Variants in GAREM2 observed in about 807,000 individuals in gnomAD.
GAREM2 encodes GRB2-associated and regulator of MAPK protein 2.
A neutral mutation model predicts 55.6 loss-of-function variants in GAREM2; 30 were observed. The ratio of observed to expected loss-of-function variants is 0.54; its 90% confidence interval spans 0.40 to 0.73. The LOEUF is 0.73. Among genes scored for constraint, GAREM2 ranks in the 30% least tolerant of loss-of-function variants. The pLI is 0.00. For synonymous variants in GAREM2, 550 were observed against 569.1 expected, an observed-to-expected ratio of 0.97 and a Z score of 0.48; for missense variants, 1,075 against 1,257.7, an observed-to-expected ratio of 0.85 and a Z score of 2.20.
chr2:26,201,189 TC>T, the GAREM2 span: 1 of 1,613,978 alleles, frequency 6.2e-7, no homozygotes, highest in Admixed American at 1.7e-5. Context: ...AAGACTAAGG[TC>T]CTCAAACACA....
At chr2:26,192,189 C>T (rs943596411), downstream of GAREM2, 4 of 667,762 alleles carry the variant, frequency 6.0e-6, no homozygotes, top group Admixed American at 7.0e-5. Flanking sequence ...ATGTAACAAA[C>T]CTGCACATGT....
rs372552496 is a variant in GAREM2, at chr2:26,186,256, G to T, written c.1496G>T (p.Arg499Leu). The T allele has an allele frequency of 1.3e-6, 2 of 1,549,722 alleles. No individual in the cohort carries two copies. Among genetic ancestry groups the T allele is most frequent in the Non-Finnish European group, 8.7e-7 (1 of 1,146,214 alleles). Reference sequence around the variant, plus strand: ...CCCCGGGGTGGCAATGGCAGCGGCCGGCTCTCCAGCAGCCCCCCGGTTCCC... The same window carrying T: ...CCCCGGGGTGGCAATGGCAGCGGCCTGCTCTCCAGCAGCCCCCCGGTTCCC... ...VPPRGGNGSG[R>L]LSSSPPVPPR... The change falls in exon 5 of 6, where the codon CGG becomes CTG. Residue 499 changes from arginine to leucine, a missense_variant. Coordinates refer to ENST00000401533, the MANE Select transcript of GAREM2 (RefSeq NM_001168241.2).
At chr2:26,199,613 G>T in the GAREM2 span, among the ~76,000 whole-genome samples, 2 of 152,124 alleles carry the variant, frequency 1.3e-5, no homozygotes, top group Non-Finnish European at 2.9e-5. Flanking sequence ...AATCTGGGCT[G>T]GTCTTGTGAC....
In GAREM2 at chr2:26,187,989, G is replaced by A. The variant is rs1162101644; in HGVS notation, c.2357G>A (p.Arg786Gln). 8 of 1,469,180 alleles carry A rather than the reference G, an allele frequency of 5.4e-6. No homozygotes were observed. Among genetic ancestry groups the A allele is most frequent in the Admixed American group, 5.0e-5 (2 of 39,976 alleles). The allele number at this position is 1,469,180 out of a possible 1,614,324, so 91.0% of individuals were successfully genotyped here. ...GRLEGPPASP[R>Q]DGATGFGVRD... Reference sequence around the variant, plus strand: ...CTGGAAGGGCCTCCTGCCAGTCCCCGGGATGGAGCCACAGGCTTTGGAGTC... The same window carrying A: ...CTGGAAGGGCCTCCTGCCAGTCCCCAGGATGGAGCCACAGGCTTTGGAGTC... Residue 786 changes from arginine to glutamine, a missense_variant, in exon 6 of 6, where the codon CGG (arginine) becomes CAG (glutamine). This residue lies in a region of GAREM2 where 142 missense variants were observed against 172.3 expected (regional missense o/e 0.82). Coordinates refer to ENST00000401533, the MANE Select transcript of GAREM2 (RefSeq NM_001168241.2).
In GAREM2 at chr2:26,184,923, A is replaced by T. The variant is rs1431572654; in HGVS notation, c.1075A>T (p.Thr359Ser). 7.4e-7 allele frequency: 1 copy of T among 1,360,480 alleles called. No individual in the cohort carries two copies. The highest frequency in any genetic ancestry group is 9.4e-7 in the Non-Finnish European group (1 of 1,061,548). The allele number at this position is 1,360,480 out of a possible 1,614,324, so 84.3% of individuals were successfully genotyped here. The change falls in exon 4 of 6, where the codon ACG (threonine) becomes TCG (serine). Residue 359 changes from threonine (T) to serine (S), a missense_variant. Coordinates refer to ENST00000401533, the MANE Select transcript of GAREM2 (RefSeq NM_001168241.2). ...RERFDPDEYS[T>S]AVREAPAELA... Reference sequence around the variant, plus strand: ...GCGCTTCGACCCCGACGAGTACTCCACGGCCGTGCGCGAGGCGCCAGCGGA... The same window carrying T: ...GCGCTTCGACCCCGACGAGTACTCCTCGGCCGTGCGCGAGGCGCCAGCGGA...
chr2:26,176,856 T>C (rs1169740524), intron 2 of GAREM2, among the ~76,000 whole-genome samples: 3 of 152,212 alleles, frequency 2.0e-5, no homozygotes, highest in African/African-American at 7.2e-5. Flanking sequence ...GGACCTTTTC[T>C]GTACCGCGCA....
chr2:26,202,089 G>A, the GAREM2 span, among the ~76,000 whole-genome samples: 4 of 151,812 alleles, frequency 2.6e-5, no homozygotes, highest in African/African-American at 7.3e-5. Context: ...GTGAGCCACC[G>A]CGCCCAGCCT....
At chr2:26,189,786 A>G (rs766354237), downstream of GAREM2, 3 of 152,166 alleles carry the variant, frequency 2.0e-5, no homozygotes, top group Non-Finnish European at 2.9e-5. Flanking sequence ...GGCCATTCCC[A>G]TGTCTGTGGA....
Position 26,173,392 on chromosome 2 carries a change from C to G in GAREM2, c.112+60C>G, listed in dbSNP as rs974841904. On this transcript the variant is annotated intron_variant, in intron 1 of 5. Transcript: ENST00000401533. ...GCGGGGAAATGGTGGGCTCTCCAGC[C>G]AGGGGCCAGAGGGATCGTGAGGAGG... 13 of 1,004,610 alleles carry G rather than the reference C, an allele frequency of 1.3e-5. No individual in the cohort carries two copies. In the Admixed American group the frequency reaches 3.9e-4, roughly 30 times the overall value. 62.2% of individuals were successfully genotyped at this position (1,004,610 alleles called of 1,614,324 possible).
chr2:26,200,055 G>A, the GAREM2 span, among the ~76,000 whole-genome samples: 11 of 152,330 alleles, frequency 7.2e-5, no homozygotes, highest in East Asian at 7.7e-4. Context: ...CAACCGAAAC[G>A]GGGTGGTCTA....
At position 26,187,949 on chromosome 2, in the gene GAREM2, C is replaced by G; in HGVS notation, c.2317C>G (p.Leu773Val). 1 of 1,452,110 alleles carries G rather than the reference C, an allele frequency of 6.9e-7. No homozygotes were observed. Among genetic ancestry groups the G allele is most frequent in the East Asian group, 2.6e-5 (1 of 38,928 alleles). The allele number at this position is 1,452,110 out of a possible 1,614,324, so 90.0% of individuals were successfully genotyped here. A position where few individuals can be genotyped will look rare whatever the true frequency, so the allele number is the denominator to read the frequency against. Reference protein sequence around the residue: ...QGPEAGGALFLTQGRLEGPPA... With the variant: ...QGPEAGGALFVTQGRLEGPPA... ...ACCCGAGGCGGGAGGAGCACTTTTT[C>G]TAACCCAAGGGCGCCTGGAAGGGCC... The change falls in exon 6 of 6, where the codon CTA becomes GTA. Residue 773 changes from leucine to valine, a missense_variant. Leu to Val is a conservative substitution (Grantham distance 32, BLOSUM62 1). Coordinates refer to ENST00000401533, the MANE Select transcript of GAREM2 (RefSeq NM_001168241.2).
chr2:26,190,198 G>C (rs1214976535), downstream of GAREM2, among the ~76,000 whole-genome samples: 4 of 152,230 alleles, frequency 2.6e-5, no homozygotes, highest in African/African-American at 9.6e-5. Context: ...GGACATATTT[G>C]AAGTACAACT....
At chr2:26,195,130 C>T in the GAREM2 span, 2 of 1,612,852 alleles carry the variant, frequency 1.2e-6, no homozygotes, top group Admixed American at 1.7e-5. Flanking sequence ...TTGAGACCAA[C>T]TGCTACAGCT....
At chr2:26,182,172 CA>C in intron 2 of GAREM2, 3 of 1,329,872 alleles carry the variant, frequency 2.3e-6, no homozygotes, top group Non-Finnish European at 2.9e-6. Flanking sequence ...AGAGAGCTTA[CA>C]CAGGGATGTC....
At chr2:26,175,988 C>G (rs1668852172) in intron 1 of GAREM2, among the ~76,000 whole-genome samples, 1 of 152,242 alleles carries the variant, frequency 6.6e-6, no homozygotes, top group African/African-American at 2.4e-5. Context: ...TGGTACATCT[C>G]TGCCCACCTC....
chr2:26,184,276 T>C lies in GAREM2; in HGVS notation c.428T>C (p.Phe143Ser), dbSNP rs1259368371. Residue 143 changes from phenylalanine to serine, a missense_variant, in exon 4 of 6, where the codon TTC becomes TCC. Physicochemically the swap from Phe to Ser is radical, Grantham distance 155. Transcript: ENST00000401533. ...EFSEDSEVYN[F>S]TLHAGDELTL... ...AGCGAGGACAGCGAGGTGTACAACT[T>C]CACGCTGCATGCGGGCGACGAGCTC... 2 of 1,550,954 alleles carry C rather than the reference T, an allele frequency of 1.3e-6. No individual in the cohort carries two copies. The highest frequency in any genetic ancestry group is 1.7e-6 in the Non-Finnish European group (2 of 1,146,826).
At chr2:26,201,249 C>G in the GAREM2 span, 2 of 1,611,794 alleles carry the variant, frequency 1.2e-6, no homozygotes, top group Non-Finnish European at 1.7e-6. Context: ...ATCAAGCTGC[C>G]CAGTCAAGTT....
In GAREM2 at chr2:26,188,158, G is replaced by A; in HGVS notation, c.2526G>A (p.Val842=). ...ARERIDGSIF[V]QLSEDILADD... ...AACGCATCGATGGTAGCATCTTTGT[G>A]CAGCTCAGTGAGGACATCCTGGCAG... is the stretch of plus-strand genomic sequence containing the variant. The change falls in exon 6 of 6, where the codon GTG becomes GTA. Residue 842 remains valine, a synonymous_variant. Coordinates refer to ENST00000401533, the MANE Select transcript of GAREM2 (RefSeq NM_001168241.2). 2 of 1,550,894 alleles carry A rather than the reference G, an allele frequency of 1.3e-6. No homozygotes were observed. Among genetic ancestry groups the A allele is most frequent in the Non-Finnish European group, 1.7e-6 (2 of 1,146,486 alleles).
At chr2:26,176,997 A>G (rs1057098440) in intron 2 of GAREM2, among the ~76,000 whole-genome samples, 3 of 152,228 alleles carry the variant, frequency 2.0e-5, no homozygotes, top group Non-Finnish European at 2.9e-5. Flanking sequence ...AGTGAATATT[A>G]AAAATTTTAG....
Sources: gnomAD v4.1 joint callset for allele counts (sites outside exome capture counted in the v4.1 genomes callset) on GRCh38, gnomAD v4.1.1 for gene constraint, gnomAD v4.1.1 regional missense constraint, MANE v1.5 for transcripts, NCBI Gene and HGNC (gene_info 2026-07-23, HGNC 2026-07-21) for gene names.